The following KATNBL1 variants were observed in gnomAD, a reference collection of about 807,000 sequenced individuals.
The protein encoded by KATNBL1 is KATNB1-like protein 1.
Under a neutral mutation model 44.7 loss-of-function variants are expected in KATNBL1, and 28 were observed. The observed-to-expected ratio is 0.63, with a 90% CI of 0.46 to 0.86. The LOEUF is 0.86. KATNBL1 is among the 40% of genes least tolerant of loss of function. The pLI, the probability that KATNBL1 is intolerant of heterozygous loss-of-function variation, is 0.00. For synonymous variants in KATNBL1, 78 were observed against 114.9 expected, an observed-to-expected ratio of 0.68 and a Z score of 2.06; for missense variants, 272 against 350.7, an observed-to-expected ratio of 0.78 and a Z score of 1.79.
At chr15:34,173,702 T>C (rs1165795531) in intron 1 of KATNBL1, among the ~76,000 whole-genome samples, 1 of 152,082 alleles carries the variant, frequency 6.6e-6, no homozygotes, top group Admixed American at 6.5e-5. Flanking sequence ...GAAAAAAGTA[T>C]CCACAAAAAT....
intron 1 of KATNBL1, among the ~76,000 whole-genome samples, chr15:34,187,112 T>C (rs949816333): frequency 4.6e-5 from 7 of 152,050 alleles, no homozygotes; most frequent in Non-Finnish European, 8.8e-5. Context: ...CTGCTGATAG[T>C]TGGAGAAGAT....
chr15:34,202,151 C>T (rs900584901), intron 1 of KATNBL1, among the ~76,000 whole-genome samples: 1 of 152,182 alleles, frequency 6.6e-6, no homozygotes, highest in African/African-American at 2.4e-5. Context: ...ATTTTTGACC[C>T]TTGTTTGCCT....
chr15:34,189,690 G>C (rs1164983428), intron 1 of KATNBL1, among the ~76,000 whole-genome samples: 10 of 152,140 alleles, frequency 6.6e-5, no homozygotes, highest in Non-Finnish European at 8.8e-5. Flanking sequence ...ACGGCACAAA[G>C]CTAACTAAAT....
At chr15:34,156,151 G>A (rs10775222) in intron 2 of KATNBL1, among the ~76,000 whole-genome samples, 1 of 151,918 alleles carries the variant, frequency 6.6e-6, no homozygotes, top group Non-Finnish European at 1.5e-5. Flanking sequence ...TGAGCTCTTG[G>A]AAAGTCTTAA....
chr15:34,189,363 C>CT (rs1401009371), intron 1 of KATNBL1, among the ~76,000 whole-genome samples: 1 of 152,124 alleles, frequency 6.6e-6, no homozygotes, highest in East Asian at 1.9e-4. Context: ...TAAGTATAAT[C>CT]CAAAGAAAGT....
chr15:34,151,267 A>G (rs919432722), intron 4 of KATNBL1, among the ~76,000 whole-genome samples: 4 of 152,028 alleles, frequency 2.6e-5, no homozygotes, highest in Non-Finnish European at 4.4e-5. Flanking sequence ...TGACTTTTTA[A>G]TAATAGCCAT....
intron 3 of KATNBL1, 29 bp from the exon 4 acceptor site, chr15:34,153,098 A>G: frequency 6.6e-7 from 1 of 1,522,586 alleles, no homozygotes; most frequent in Non-Finnish European, 8.9e-7. Flanking sequence ...TTCTTAAATG[A>G]AAAAGAACCA....
intron 1 of KATNBL1, among the ~76,000 whole-genome samples, chr15:34,192,686 T>C (rs932283114): frequency 2.2e-4 from 34 of 152,134 alleles, no homozygotes; most frequent in Admixed American, 2.2e-3. Context: ...CTACGTGCTG[T>C]CCCTCCTTCC....
rs367643726 is a variant in KATNBL1, at chr15:34,187,577, C to T, written c.-15+22374G>A. ...CAATATTTCTCTCTCCAGTCCCCCA[C>T]TTCCACCTAACATAAATCACAGCAG... On this transcript the variant is annotated intron_variant, in intron 1 of 9. Coordinates refer to ENST00000256544, the MANE Select transcript of KATNBL1 (RefSeq NM_024713.3). Among the ~76,000 whole-genome samples, 8 of 152,306 alleles carry T rather than the reference C, an allele frequency of 5.3e-5. No individual in the cohort carries two copies. The South Asian group carries it at 1.0e-3, about 20-fold the overall frequency.
Position 34,145,389 on chromosome 15 carries a change from A to G in KATNBL1, c.882+9T>C. ...TAATGTTTAATTTATAAGCTTAAAT[A>G]TAGATTACCTTAGCTATATTACCAG... On this transcript the variant is annotated intron_variant, in intron 9 of 9. Coordinates refer to ENST00000256544, the MANE Select transcript of KATNBL1 (RefSeq NM_024713.3). 2 of 1,428,102 alleles carry G rather than the reference A, an allele frequency of 1.4e-6. No homozygotes were observed. The highest frequency in any genetic ancestry group is 1.7e-5 in the South Asian group (1 of 57,290). 88.5% of individuals were successfully genotyped at this position (1,428,102 alleles called of 1,614,324 possible).
At chr15:34,172,730 GAC>G (rs1889202745) in intron 1 of KATNBL1, among the ~76,000 whole-genome samples, 2 of 142,642 alleles carry the variant, frequency 1.4e-5, no homozygotes, top group Non-Finnish European at 3.0e-5. Context: ...GTAACACACA[GAC>G]ACACAGACAC....
intron 1 of KATNBL1, among the ~76,000 whole-genome samples, chr15:34,181,987 C>T (rs1889581258): frequency 6.7e-6 from 1 of 149,986 alleles, no homozygotes; most frequent in Non-Finnish European, 1.5e-5. Context: ...AAAAATTTAC[C>T]ATATGCCAGG....
intron 1 of KATNBL1, chr15:34,209,406 T>C (rs79867880): frequency 0.14 from 21,936 of 152,214 alleles, 1,703 homozygotes; most frequent in African/African-American, 0.19. Context: ...AGTAAAAGCC[T>C]AGATACTTTA....
intron 7 of KATNBL1, 159 bp from the exon 8 acceptor site, chr15:34,147,009 T>C (rs903067701): frequency 3.1e-6 from 2 of 643,964 alleles, no homozygotes; most frequent in Admixed American, 2.9e-5. Flanking sequence ...GTATATTTCA[T>C]GTAATTTGTT....
chr15:34,167,688 G>A (rs1889023902), intron 1 of KATNBL1, among the ~76,000 whole-genome samples: 1 of 152,206 alleles, frequency 6.6e-6, no homozygotes, highest in Non-Finnish European at 1.5e-5. Context: ...GTTAAGGGCA[G>A]CCAGAGAGAA....
chr15:34,198,451 T>C (rs1240750522), intron 1 of KATNBL1: 1 of 152,248 alleles, frequency 6.6e-6, no homozygotes, highest in Non-Finnish European at 1.5e-5. Context: ...GGAGTTAAAC[T>C]ATGAAACAGT....
At chr15:34,147,338 C>A in intron 6 of KATNBL1, 42 bp downstream of exon 6, 1 of 1,597,536 alleles carries the variant, frequency 6.3e-7, no homozygotes, top group Non-Finnish European at 8.6e-7. Flanking sequence ...ATAATTTGAC[C>A]TCCTTTAATC....
At chr15:34,171,111 T>G (rs1889144817) in intron 1 of KATNBL1, among the ~76,000 whole-genome samples, 1 of 152,204 alleles carries the variant, frequency 6.6e-6, no homozygotes, top group South Asian at 2.1e-4. Context: ...AAAGAGCTTC[T>G]GCACAGCAAA....
chr15:34,196,164 T>C (rs1451442829), intron 1 of KATNBL1, among the ~76,000 whole-genome samples: 1 of 152,214 alleles, frequency 6.6e-6, no homozygotes, highest in East Asian at 1.9e-4. Context: ...ACACCTGTAA[T>C]CCCAGCACTT....
Sources: gnomAD v4.1 joint callset for allele counts (sites outside exome capture counted in the v4.1 genomes callset) on GRCh38, gnomAD v4.1.1 for gene constraint, MANE v1.5 for transcripts, NCBI Gene and HGNC (gene_info 2026-07-23, HGNC 2026-07-21) for gene names.